The following SGMS1 variants were observed in gnomAD, a reference collection of about 807,000 sequenced individuals.
SGMS1 encodes sphingomyelin synthase 1.
In SGMS1, 13 loss-of-function variants were observed where a neutral mutation model predicts 46.2. The ratio of observed to expected loss-of-function variants is 0.28; its 90% CI spans 0.18 to 0.45. The LOEUF (loss-of-function observed/expected upper bound fraction) is 0.45. Ranked by LOEUF, SGMS1 falls within the 20% of genes least tolerant of loss-of-function variation. SGMS1 has a pLI of 1.00. For missense variants in SGMS1, 324 were observed against 519.9 expected (o/e 0.62, Z 3.66); for synonymous variants, 203 against 187.8 (o/e 1.08, Z -0.66).
intron 3 of SGMS1, among the ~76,000 whole-genome samples, chr10:50,507,358 T>G (rs1837716018): frequency 6.6e-6 from 1 of 152,194 alleles, no homozygotes; most frequent in South Asian, 2.1e-4. Context: ...AGCCCCTTTG[T>G]CTCTGAGCTC....
intron 2 of SGMS1, among the ~76,000 whole-genome samples, chr10:50,545,322 T>C (rs10826167): frequency 0.31 from 47,333 of 152,082 alleles, 8,093 homozygotes; most frequent in East Asian, 0.64. Flanking sequence ...CTGTGCTGGG[T>C]GAGGTGTCAG....
At chr10:50,385,368 T>G (rs1848667383) in intron 6 of SGMS1, among the ~76,000 whole-genome samples, 1 of 152,208 alleles carries the variant, frequency 6.6e-6, no homozygotes, top group African/African-American at 2.4e-5. Flanking sequence ...TCAGGTAGAC[T>G]TGGATTCCAG....
intron 3 of SGMS1, chr10:50,474,320 G>T (rs1298827816): frequency 6.6e-6 from 1 of 152,116 alleles, no homozygotes; most frequent in East Asian, 1.9e-4. Flanking sequence ...TTTTTTGTTT[G>T]TTTTGTTTTT....
chr10:50,535,082 A>G (rs1175804149), intron 2 of SGMS1, among the ~76,000 whole-genome samples: 1 of 152,014 alleles, frequency 6.6e-6, no homozygotes, highest in Non-Finnish European at 1.5e-5. Context: ...AAATACAAAA[A>G]TTAGCCCGGC....
At chr10:50,506,328 G>C (rs140296470) in intron 3 of SGMS1, among the ~76,000 whole-genome samples, 1 of 152,060 alleles carries the variant, frequency 6.6e-6, no homozygotes, top group Non-Finnish European at 1.5e-5. Context: ...TGCATCTCTA[G>C]TGCCTGAAAA....
At chr10:50,450,325 T>A (rs1290807299) in intron 5 of SGMS1, among the ~76,000 whole-genome samples, 1 of 152,182 alleles carries the variant, frequency 6.6e-6, no homozygotes, top group Non-Finnish European at 1.5e-5. Flanking sequence ...CCTTCACCCC[T>A]GGTTAGCCAT....
intron 6 of SGMS1, among the ~76,000 whole-genome samples, chr10:50,423,859 G>T (rs892485980): frequency 6.6e-6 from 1 of 152,182 alleles, no homozygotes; most frequent in African/African-American, 2.4e-5. Flanking sequence ...AAAGGAAAAT[G>T]TATTTGAAAT....
intron 3 of SGMS1, among the ~76,000 whole-genome samples, chr10:50,498,209 T>C (rs1008706377): frequency 6.6e-6 from 1 of 152,200 alleles, no homozygotes; most frequent in African/African-American, 2.4e-5. Flanking sequence ...TAACTTAACA[T>C]GGGAAAGATG....
At chr10:50,455,533 G>A (rs991591286) in intron 5 of SGMS1, among the ~76,000 whole-genome samples, 3 of 152,128 alleles carry the variant, frequency 2.0e-5, no homozygotes, top group Admixed American at 2.0e-4. Flanking sequence ...AAACTCTTTA[G>A]TTAGTTCCTC....
At chr10:50,586,034 T>G (rs192045691) in intron 2 of SGMS1, among the ~76,000 whole-genome samples, 9 of 152,382 alleles carry the variant, frequency 5.9e-5, no homozygotes, top group African/African-American at 1.7e-4. Flanking sequence ...TTGCAACTAC[T>G]CAACCCTGGT....
chr10:50,567,825 A>T (rs1300923376), intron 2 of SGMS1, among the ~76,000 whole-genome samples: 1 of 152,246 alleles, frequency 6.6e-6, no homozygotes, highest in Non-Finnish European at 1.5e-5. Context: ...AGGGGGGAAA[A>T]GATATCCCTT....
intron 5 of SGMS1, among the ~76,000 whole-genome samples, chr10:50,443,548 C>T (rs1403117059): frequency 1.3e-5 from 2 of 151,482 alleles, no homozygotes; most frequent in East Asian, 3.9e-4. Flanking sequence ...CTATATACAA[C>T]AAAAAAATCT....
At chr10:50,341,121 A>C in intron 7 of SGMS1, 1 of 333,312 alleles carries the variant, frequency 3.0e-6, no homozygotes, top group South Asian at 2.5e-5. Flanking sequence ...CAGAAGGATC[A>C]ATTTCTCCAA....
chr10:50,623,627 A>T, intron 1 of SGMS1, 80 bp downstream of exon 1: 1 of 985,192 alleles, frequency 1.0e-6, no homozygotes, highest in Non-Finnish European at 1.2e-6. Context: ...TCCCCGGCAT[A>T]AGGCCGGGCC....
chr10:50,474,562 T>A (rs1003407014), intron 3 of SGMS1, among the ~76,000 whole-genome samples: 1 of 152,230 alleles, frequency 6.6e-6, no homozygotes, highest in Admixed American at 6.5e-5. Flanking sequence ...ATTAAATTCA[T>A]AATTAGAACT....
intron 2 of SGMS1, among the ~76,000 whole-genome samples, chr10:50,569,751 G>T (rs2131855781): frequency 6.6e-6 from 1 of 152,196 alleles, no homozygotes; most frequent in South Asian, 2.1e-4. Context: ...ATAGCATGTG[G>T]TCATTAAAAT....
At chr10:50,331,259 C>T (rs1426293997) in intron 7 of SGMS1, among the ~76,000 whole-genome samples, 2 of 152,156 alleles carry the variant, frequency 1.3e-5, no homozygotes, top group South Asian at 4.1e-4. Context: ...CTTAAGACCA[C>T]CTGGCAATGC....
At chr10:50,414,181 C>T (rs1849137033) in intron 6 of SGMS1, among the ~76,000 whole-genome samples, 1 of 152,166 alleles carries the variant, frequency 6.6e-6, no homozygotes. Flanking sequence ...AGAAGCATTG[C>T]TTGAGTCCAC....
chr10:50,580,554 A>T (rs1414271235), intron 2 of SGMS1, among the ~76,000 whole-genome samples: 4 of 152,142 alleles, frequency 2.6e-5, no homozygotes, highest in African/African-American at 4.8e-5. Flanking sequence ...GGGCATGCAC[A>T]GGAGTGTGGG....
Sources: allele counts gnomAD v4.1 joint callset (sites outside exome capture counted in the v4.1 genomes callset), GRCh38; gene constraint gnomAD v4.1.1; transcripts MANE v1.5; gene names NCBI Gene and HGNC (gene_info 2026-07-23, HGNC 2026-07-21).